ZC3H7A: variants seen among roughly 807,000 people sequenced by gnomAD.
ZC3H7A encodes the protein zinc finger CCCH domain-containing protein 7A.
A neutral mutation model predicts 125.5 loss-of-function variants in ZC3H7A; 44 were observed. That is an observed-to-expected ratio of 0.35 (90% CI 0.28 to 0.45). ZC3H7A has a LOEUF of 0.45. Among genes scored for constraint, ZC3H7A ranks in the 20% least tolerant of loss-of-function variants. The pLI is 1.00. For synonymous variants in ZC3H7A, 399 were observed against 391.2 expected (o/e 1.02, Z -0.23); for missense variants, 977 against 1,170.7 (o/e 0.83, Z 2.41).
chr16:11,791,680 G>A (rs879256067), intron 1 of ZC3H7A, among the ~76,000 whole-genome samples: 1 of 152,214 alleles, frequency 6.6e-6, no homozygotes, highest in Non-Finnish European at 1.5e-5. Flanking sequence ...GAAGAAGGAG[G>A]GTGCCCAGCA....
intron 21 of ZC3H7A, 139 bp downstream of exon 21, chr16:11,756,098 G>A (rs1326820496): frequency 8.1e-7 from 1 of 1,231,748 alleles, no homozygotes; most frequent in Non-Finnish European, 1.1e-6. Context: ...GGGAGGCGGA[G>A]GTTGCAGTGA....
chr16:11,751,209 A>T lies in ZC3H7A; in HGVS notation c.*108T>A. 1 of 1,214,936 alleles carries T rather than the reference A, an allele frequency of 8.2e-7. No individual in the cohort carries two copies. The highest frequency in any genetic ancestry group is 1.1e-6 in the Non-Finnish European group (1 of 889,532). 75.3% of individuals were successfully genotyped at this position (1,214,936 alleles called of 1,614,324 possible). On this transcript the variant is annotated 3_prime_UTR_variant, in exon 23 of 23. Transcript: ENST00000355758. ...GGTTGCTGCTCAGGAGGAACGATATACGCCAATACAAGCAGGAAATCTGCA... is the reference window on the plus strand; with the variant it reads ...GGTTGCTGCTCAGGAGGAACGATATTCGCCAATACAAGCAGGAAATCTGCA...
intron 21 of ZC3H7A, 105 bp downstream of exon 21, chr16:11,756,132 C>T (rs2052643537): frequency 1.0e-5 from 15 of 1,488,020 alleles, no homozygotes; most frequent in Non-Finnish European, 1.4e-5. Flanking sequence ...CACTGCACTC[C>T]AGCCTGGTGA....
At chr16:11,781,287 AT>A (rs1266738649) in intron 3 of ZC3H7A, 137 bp downstream of exon 3, 8 of 683,592 alleles carry the variant, frequency 1.2e-5, no homozygotes, top group African/African-American at 3.7e-5. Context: ...TTGCAAAAAA[AT>A]AAAATAAAAT....
At chr16:11,782,541 G>A in intron 1 of ZC3H7A, 153 bp from the exon 2 acceptor site, 2 of 563,106 alleles carry the variant, frequency 3.6e-6, no homozygotes, top group South Asian at 2.4e-5. Flanking sequence ...GGACCGTACA[G>A]GAGTCATCTT....
At chr16:11,793,650 A>G (rs1475688590) in intron 1 of ZC3H7A, among the ~76,000 whole-genome samples, 2 of 152,208 alleles carry the variant, frequency 1.3e-5, no homozygotes, top group Non-Finnish European at 2.9e-5. Context: ...CAAAGTAGTT[A>G]AAGTATCATT....
In ZC3H7A at chr16:11,770,797, C is replaced by T; in HGVS notation, c.1094G>A (p.Ser365Asn). The T allele has an allele frequency of 2.5e-6, 4 of 1,612,992 alleles. No individual in the cohort carries two copies. The highest frequency in any genetic ancestry group is 3.4e-6 in the Non-Finnish European group (4 of 1,179,408). The change falls in exon 10 of 23, where the codon AGT (serine) becomes AAT (asparagine). Residue 365 changes from serine to asparagine, a missense_variant. Ser to Asn is a conservative substitution (Grantham distance 46, BLOSUM62 1). This residue lies in a region of ZC3H7A where 342 missense variants were observed against 311.3 expected (regional missense o/e 1.10). Transcript: ENST00000355758. ...FCSSLNSFSM[S>N]ESKRDLSTST... ...TTGGTTCTTACCTCGTTTGGATTCACTCATTGAAAATGAATTTAAAGAAGA... is the reference window on the plus strand; with the variant it reads ...TTGGTTCTTACCTCGTTTGGATTCATTCATTGAAAATGAATTTAAAGAAGA...
intron 1 of ZC3H7A, among the ~76,000 whole-genome samples, chr16:11,788,397 G>A (rs1246497201): frequency 2.0e-5 from 3 of 152,134 alleles, no homozygotes; most frequent in African/African-American, 4.8e-5. Context: ...TCCATCCCCA[G>A]GCAGACCCTC....
In ZC3H7A at chr16:11,784,185, G is replaced by A. The variant is rs1278745179; in HGVS notation, c.-34-1797C>T. Among the ~76,000 whole-genome samples the A allele has an allele frequency of 3.3e-5, 5 of 152,126 alleles. No homozygotes were observed. The South Asian group carries it at 8.3e-4, about 25-fold the overall frequency. On this transcript the variant is annotated intron_variant, in intron 1 of 22. Transcript: ENST00000355758. ...GCTTTTAAAACAGTTTAGCCAAAAG[G>A]GGGGTAGCTGGGTGGAAATAAAACA...
At chr16:11,758,950 G>C (rs55744401) in intron 19 of ZC3H7A, 1 of 180,352 alleles carries the variant, frequency 5.5e-6, no homozygotes, top group Non-Finnish European at 1.1e-5. Context: ...ACTCCAAAGG[G>C]TACTGAACAG....
chr16:11,768,398 G>A lies in ZC3H7A; in HGVS notation c.1277C>T (p.Pro426Leu), dbSNP rs1254556597. The A allele has an allele frequency of 1.9e-6, 3 of 1,598,328 alleles. No individual in the cohort carries two copies. Among genetic ancestry groups the A allele is most frequent in the Non-Finnish European group, 2.6e-6 (3 of 1,169,952 alleles). The change falls in exon 12 of 23, where the codon CCA becomes CTA. Residue 426 changes from proline (P) to leucine (L), a missense_variant. Around this residue, in one of 3 missense-constraint regions of ZC3H7A, gnomAD observed 342 missense variants for 311.3 expected, o/e 1.10. Transcript: ENST00000355758. ...ATGTCTTGGAGTCACTGATGAAGAT[G>A]GTTTGGTAACTGCACTTCCAAAAAA... Reference protein sequence around the residue: ...GNFFGSAVTKPSSSVTPRHPL... With the variant: ...GNFFGSAVTKLSSSVTPRHPL...
chr16:11,756,950 C>A lies in ZC3H7A; in HGVS notation c.2429-580G>T, dbSNP rs1419464726. Among the ~76,000 whole-genome samples the A allele has an allele frequency of 4.0e-5, 6 of 151,792 alleles. No individual in the cohort carries two copies. In the East Asian group the frequency reaches 1.2e-3, roughly 29 times the overall value. On this transcript the variant is annotated intron_variant, in intron 20 of 22. Transcript: ENST00000355758. ...CCTGGGCAGTGGCTGCCAGTTGCTTCCTATGGTAAGAACAGGTGTATTCTG... is the reference window on the plus strand; with the variant it reads ...CCTGGGCAGTGGCTGCCAGTTGCTTACTATGGTAAGAACAGGTGTATTCTG...
At chr16:11,772,987 A>C (rs2053013273) in intron 9 of ZC3H7A, among the ~76,000 whole-genome samples, 1 of 151,698 alleles carries the variant, frequency 6.6e-6, no homozygotes, top group African/African-American at 2.4e-5. Flanking sequence ...CACTGCACCC[A>C]GCAGAAAAGG....
At chr16:11,754,373 T>C (rs2052603200) in intron 21 of ZC3H7A, among the ~76,000 whole-genome samples, 1 of 143,318 alleles carries the variant, frequency 7.0e-6, no homozygotes, top group Admixed American at 7.0e-5. Context: ...TAAGTAAAGG[T>C]AGCAAGGGAA....
intron 21 of ZC3H7A, among the ~76,000 whole-genome samples, chr16:11,754,671 C>G (rs1176046622): frequency 6.6e-6 from 1 of 151,980 alleles, no homozygotes; most frequent in East Asian, 1.9e-4. Flanking sequence ...GCGGGCAGAT[C>G]ACGCAAGGTC....
At position 11,765,665 on chromosome 16, in the gene ZC3H7A, A is replaced by T; in HGVS notation, c.1543T>A (p.Cys515Ser). ...ICKDVAAEEE[C>S]RYSGHCTFAY... The stretch of plus-strand genomic sequence containing the variant: ...AACGTGCAGTGGCCTGAATATCTAC[A>T]TTCCTCCTCAGCAGCAACATCTAGA... The change falls in exon 14 of 23, where the codon TGT becomes AGT. Residue 515 changes from cysteine (C) to serine (S), a missense_variant. By Grantham distance (112) the Cys-to-Ser change is moderately radical. Coordinates refer to ENST00000355758, the MANE Select transcript of ZC3H7A (RefSeq NM_014153.4). The surrounding 1 kb of genome is among the most constrained non-coding windows in gnomAD (Gnocchi z 4.8). 6.2e-7 allele frequency: 1 copy of T among 1,613,402 alleles called. No individual in the cohort carries two copies. The highest frequency in any genetic ancestry group is 8.5e-7 in the Non-Finnish European group (1 of 1,179,598).
chr16:11,771,685 G>A lies in ZC3H7A; in HGVS notation c.904-698C>T, dbSNP rs1357063929. On this transcript the variant is annotated intron_variant, in intron 9 of 22. Transcript: ENST00000355758. ...CCAGCTAATTTTTGTATTTTTAGTA[G>A]AGATGGGGTTTTGCCATGTTGGCCA... 7.9e-5 allele frequency among the ~76,000 whole-genome samples: 12 copies of A among 151,788 alleles called. 1 individual carries two copies. Among genetic ancestry groups the A allele is most frequent in the Admixed American group, 7.9e-4 (12 of 15,254 alleles).
At chr16:11,794,581 T>A (rs1215152422) in intron 1 of ZC3H7A, among the ~76,000 whole-genome samples, 1 of 152,332 alleles carries the variant, frequency 6.6e-6, no homozygotes. Flanking sequence ...CCAGACGTTA[T>A]CCAGAAGACA....
intron 12 of ZC3H7A, among the ~76,000 whole-genome samples, chr16:11,767,922 A>G (rs1010781115): frequency 6.6e-6 from 1 of 152,234 alleles, no homozygotes; most frequent in Admixed American, 6.5e-5. Flanking sequence ...ACAAGCTAAC[A>G]GAAAGTATTT....
Sources: gnomAD v4.1 joint callset for allele counts (sites outside exome capture counted in the v4.1 genomes callset) on GRCh38, gnomAD v4.1.1 for gene constraint, gnomAD v4.1.1 regional missense constraint, Gnocchi (gnomAD v3.1) non-coding constraint, MANE v1.5 for transcripts, NCBI Gene and HGNC (gene_info 2026-07-23, HGNC 2026-07-21) for gene names.